Variants in FBLN7 observed in about 807,000 individuals in gnomAD.
The protein encoded by FBLN7 is fibulin-7.
FBLN7 carries 31 observed loss-of-function variants against 44.0 expected under a neutral mutation model. That is an observed-to-expected ratio of 0.70 (90% confidence interval 0.53 to 0.95). The LOEUF is 0.95. FBLN7 is among the 40% of genes least tolerant of loss of function. FBLN7 has a pLI of 0.00. For missense variants in FBLN7, 573 were observed against 618.5 expected, an observed-to-expected ratio of 0.93 and a Z score of 0.78; for synonymous variants, 262 against 253.4, an observed-to-expected ratio of 1.03 and a Z score of -0.32.
At chr2:112,147,593 T>C (rs1205926317) in intron 1 of FBLN7, among the ~76,000 whole-genome samples, 1 of 152,198 alleles carries the variant, frequency 6.6e-6, no homozygotes, top group African/African-American at 2.4e-5. Flanking sequence ...CCGGCCTCTC[T>C]GCATTTGGCT....
chr2:112,199,567 A>T, the FBLN7 span, among the ~76,000 whole-genome samples: 1 of 152,100 alleles, frequency 6.6e-6, no homozygotes, highest in African/African-American at 2.4e-5. Context: ...AATCTCACCC[A>T]TCCCTTCCAG....
intron 4 of FBLN7, chr2:112,176,263 T>C: frequency 6.4e-6 from 1 of 156,912 alleles, no homozygotes; most frequent in East Asian, 1.9e-4. Flanking sequence ...GAGAGCTGGA[T>C]AACTATACAT....
the FBLN7 span, among the ~76,000 whole-genome samples, chr2:112,235,820 G>A: frequency 6.6e-6 from 1 of 151,776 alleles, no homozygotes; most frequent in Non-Finnish European, 1.5e-5. Flanking sequence ...AGGGAGCCAG[G>A]ATGAGGGACT....
intron 3 of FBLN7, 63 bp downstream of exon 3, chr2:112,165,234 C>T: frequency 1.9e-6 from 3 of 1,544,744 alleles, no homozygotes; most frequent in Non-Finnish European, 2.6e-6. Flanking sequence ...GGGTTTCTTG[C>T]ATAGAAAGGG....
At chr2:112,203,045 CAAACAAAA>C in the FBLN7 span, among the ~76,000 whole-genome samples, 2 of 152,126 alleles carry the variant, frequency 1.3e-5, no homozygotes, top group East Asian at 1.9e-4. Context: ...CAAAAACAAA[CAAACAAAA>C]AAACAAAAAA....
At chr2:112,217,764 T>C in the FBLN7 span, among the ~76,000 whole-genome samples, 1 of 152,238 alleles carries the variant, frequency 6.6e-6, no homozygotes, top group African/African-American at 2.4e-5. Context: ...ATTTTATCAT[T>C]GATGACAAAT....
the FBLN7 span, among the ~76,000 whole-genome samples, chr2:112,217,813 GT>G: frequency 6.6e-6 from 1 of 152,094 alleles, no homozygotes; most frequent in African/African-American, 2.4e-5. Flanking sequence ...GGGTCACTCT[GT>G]TCATTTCTGA....
chr2:112,175,199 C>T (rs1272984587), intron 3 of FBLN7, among the ~76,000 whole-genome samples: 1 of 152,220 alleles, frequency 6.6e-6, no homozygotes, highest in African/African-American at 2.4e-5. Flanking sequence ...TCATTTTCCC[C>T]AACCCTGGAC....
rs775825338 is a variant in FBLN7, at chr2:112,165,020, C to T, written c.255C>T (p.Asn85=). The T allele has an allele frequency of 3.1e-6, 5 of 1,614,102 alleles. No individual in the cohort carries two copies. The highest frequency in any genetic ancestry group is 4.2e-6 in the Non-Finnish European group (5 of 1,179,998). The part of the protein sequence containing the change: ...DALPVSCPAL[N]TPADGRKFGS... ...TTACAGTTTCCTGCCCGGCTCTGAA[C>T]ACCCCCGCAGACGGCAGAAAGTTTG... The change falls in exon 3 of 8, where the codon AAC becomes AAT. Residue 85 remains asparagine, a synonymous_variant. Transcript: ENST00000331203.
intron 1 of FBLN7, among the ~76,000 whole-genome samples, chr2:112,155,221 G>A (rs942476129): frequency 2.6e-5 from 4 of 152,214 alleles, no homozygotes; most frequent in African/African-American, 9.7e-5. Context: ...TCCCCATAAT[G>A]TGGGTCTCAT....
At chr2:112,158,872 G>A (rs980377568) in intron 1 of FBLN7, among the ~76,000 whole-genome samples, 1 of 152,164 alleles carries the variant, frequency 6.6e-6, no homozygotes, top group Non-Finnish European at 1.5e-5. Flanking sequence ...ACCGTACCCG[G>A]CCAGGAAACC....
At chr2:112,188,976 T>G (rs1683393559), downstream of FBLN7, 1 of 152,236 alleles carries the variant, frequency 6.6e-6, no homozygotes, top group Admixed American at 6.5e-5. Flanking sequence ...CCCAGTCCCA[T>G]GTGCACAACA....
the FBLN7 span, among the ~76,000 whole-genome samples, chr2:112,197,262 CACACACACACACAGAGAGAGAGAGAGAG>C: frequency 7.8e-6 from 1 of 128,936 alleles, no homozygotes; most frequent in African/African-American, 3.1e-5. Flanking sequence ...CACACACACA[CACACACACACACAGAGAGAGAGAGAGAG>C]AGAGAGAGAG....
At chr2:112,173,559 A>T (rs1234651495) in intron 3 of FBLN7, among the ~76,000 whole-genome samples, 1 of 152,186 alleles carries the variant, frequency 6.6e-6, no homozygotes, top group Non-Finnish European at 1.5e-5. Flanking sequence ...GAAAAAAGTC[A>T]GGAAGGAATT....
At chr2:112,147,893 G>T (rs780419025) in intron 1 of FBLN7, among the ~76,000 whole-genome samples, 2 of 152,138 alleles carry the variant, frequency 1.3e-5, no homozygotes, top group African/African-American at 2.4e-5. Flanking sequence ...CGTAGGTGGG[G>T]GGTCTGCTGT....
At position 112,160,136 on chromosome 2, in the gene FBLN7, G is replaced by T. The variant is rs541961736; in HGVS notation, c.235+301G>T. Among the ~76,000 whole-genome samples, 11 of 151,926 alleles carry T rather than the reference G, an allele frequency of 7.2e-5. No individual in the cohort carries two copies. In the South Asian group the frequency reaches 1.9e-3, roughly 26 times the overall value. ...CTCCCGCGTAGCTGGGACTACAGGC[G>T]CCCGCCACCACGCCCGGCTAATTTT... is the stretch of plus-strand genomic sequence containing the variant. On this transcript the variant is annotated intron_variant, in intron 2 of 7. Transcript: ENST00000331203.
chr2:112,201,661 TC>T, the FBLN7 span, among the ~76,000 whole-genome samples: 3 of 152,006 alleles, frequency 2.0e-5, no homozygotes, highest in African/African-American at 7.3e-5. Context: ...ACTCACATCA[TC>T]TCCCCAACTT....
chr2:112,183,800 AC>A (rs1683117084), intron 6 of FBLN7, among the ~76,000 whole-genome samples: 1 of 152,120 alleles, frequency 6.6e-6, no homozygotes. Context: ...TCTTAAGTTG[AC>A]AAGGAATGTC....
intron 3 of FBLN7, among the ~76,000 whole-genome samples, chr2:112,173,809 G>A (rs533642851): frequency 1.1e-4 from 17 of 152,342 alleles, no homozygotes; most frequent in African/African-American, 3.4e-4. Flanking sequence ...AGTGGGTGCC[G>A]GGCTGGACAT....
Sources: allele counts gnomAD v4.1 joint callset (sites outside exome capture counted in the v4.1 genomes callset), GRCh38; gene constraint gnomAD v4.1.1; transcripts MANE v1.5; gene names NCBI Gene and HGNC (gene_info 2026-07-23, HGNC 2026-07-21).